Variants in NKAIN3 observed in about 807,000 individuals in gnomAD.
The protein encoded by NKAIN3 is sodium/potassium-transporting ATPase subunit beta-1-interacting protein 3.
Under a neutral mutation model 30.2 loss-of-function variants are expected in NKAIN3, and 25 were observed. The observed-to-expected ratio is 0.83, with a 90% CI of 0.60 to 1.16. NKAIN3 has a LOEUF of 1.16. Among genes scored for constraint, NKAIN3 ranks in the 50% most tolerant of loss-of-function variants. NKAIN3 has a pLI of 0.00. For synonymous variants in NKAIN3, 91 were observed against 89.6 expected (o/e 1.02, Z -0.09); for missense variants, 225 against 254.1 (o/e 0.89, Z 0.78).
intron 1 of NKAIN3, among the ~76,000 whole-genome samples, chr8:62,418,331 A>T (rs1804518662): frequency 6.6e-6 from 1 of 152,202 alleles, no homozygotes; most frequent in Non-Finnish European, 1.5e-5. Context: ...GTCCACCATT[A>T]TATCTAGCTC....
At chr8:62,623,631 C>T (rs564650832) in intron 3 of NKAIN3, among the ~76,000 whole-genome samples, 9 of 152,020 alleles carry the variant, frequency 5.9e-5, no homozygotes, top group African/African-American at 1.7e-4. Context: ...AATGATTTTC[C>T]TTCTTTCTAA....
rs970799072 is a variant in NKAIN3 at position 62,976,684 on chromosome 8, T to G, written c.*11277T>G. Among the ~76,000 whole-genome samples the G allele has an allele frequency of 1.1e-4, 17 of 152,212 alleles. No homozygotes were observed. The highest frequency in any genetic ancestry group is 4.1e-4 in the African/African-American group (17 of 41,462). On this transcript the variant is annotated 3_prime_UTR_variant, in exon 7 of 7. Transcript: ENST00000623646. Reference sequence around the variant, plus strand: ...ATTGGGGCATTTAGCCCATTTACATTTAAGGTTAATATTGTTATGTGTGAA... The same window carrying G: ...ATTGGGGCATTTAGCCCATTTACATGTAAGGTTAATATTGTTATGTGTGAA...
chr8:62,858,401 C>A (rs28776215), intron 4 of NKAIN3, among the ~76,000 whole-genome samples: 2,374 of 152,228 alleles, frequency 0.016, 57 homozygotes, highest in African/African-American at 0.054. Context: ...TGTTGGGGAT[C>A]TCTTCAGCCT....
At chr8:62,326,213 A>G (rs141825446) in intron 1 of NKAIN3, among the ~76,000 whole-genome samples, 1 of 152,046 alleles carries the variant, frequency 6.6e-6, no homozygotes, top group African/African-American at 2.4e-5. Context: ...GAAAGACACA[A>G]ATATCCAAGA....
chr8:62,695,428 C>A (rs1814124686), intron 3 of NKAIN3, among the ~76,000 whole-genome samples: 1 of 151,998 alleles, frequency 6.6e-6, no homozygotes, highest in Non-Finnish European at 1.5e-5. Flanking sequence ...TTGAGATAAT[C>A]CTGGCTGGTG....
At chr8:62,752,496 T>A (rs1295189749) in intron 4 of NKAIN3, among the ~76,000 whole-genome samples, 1 of 152,200 alleles carries the variant, frequency 6.6e-6, no homozygotes, top group Admixed American at 6.5e-5. Flanking sequence ...AACTTTTACT[T>A]AATATGTATG....
intron 4 of NKAIN3, among the ~76,000 whole-genome samples, chr8:62,846,452 G>A (rs1163642736): frequency 6.6e-6 from 1 of 151,990 alleles, no homozygotes; most frequent in Non-Finnish European, 1.5e-5. Context: ...GCATCTATTA[G>A]CTATTCTTCC....
At chr8:62,595,745 C>T (rs2130127457) in intron 3 of NKAIN3, among the ~76,000 whole-genome samples, 1 of 152,026 alleles carries the variant, frequency 6.6e-6, no homozygotes, top group South Asian at 2.1e-4. Flanking sequence ...CTAACTGCTT[C>T]CTGTTGAATT....
At chr8:62,801,661 G>C (rs905602510) in intron 4 of NKAIN3, among the ~76,000 whole-genome samples, 5 of 152,180 alleles carry the variant, frequency 3.3e-5, no homozygotes, top group Non-Finnish European at 7.3e-5. Flanking sequence ...AAACCACAAA[G>C]ATGGGGAAAA....
chr8:62,664,062 G>A (rs1813025134), intron 3 of NKAIN3, among the ~76,000 whole-genome samples: 1 of 151,934 alleles, frequency 6.6e-6, no homozygotes, highest in African/African-American at 2.4e-5. Context: ...GTTACAATGA[G>A]TGAAACATGC....
chr8:62,941,800 A>C (rs1340058453), intron 5 of NKAIN3, among the ~76,000 whole-genome samples: 6 of 152,154 alleles, frequency 3.9e-5, no homozygotes, highest in Admixed American at 3.9e-4. Context: ...ACCCACAGCC[A>C]ACACTATACT....
At chr8:62,262,113 A>G (rs1812460942) in intron 1 of NKAIN3, among the ~76,000 whole-genome samples, 1 of 152,176 alleles carries the variant, frequency 6.6e-6, no homozygotes, top group Admixed American at 6.6e-5. Flanking sequence ...ATTTCTTTAC[A>G]TGAAATGTGA....
chr8:62,953,138 A>AACACAC (rs139161457), intron 5 of NKAIN3, among the ~76,000 whole-genome samples: 7 of 151,222 alleles, frequency 4.6e-5, no homozygotes, highest in Admixed American at 4.6e-4. Flanking sequence ...TTTACACACA[A>AACACAC]ACACACACAC....
intron 4 of NKAIN3, among the ~76,000 whole-genome samples, chr8:62,908,574 T>C (rs1821847294): frequency 6.6e-6 from 1 of 152,162 alleles, no homozygotes; most frequent in Admixed American, 6.5e-5. Context: ...TGTGGGTTTT[T>C]CCCATGCTGT....
intron 3 of NKAIN3, among the ~76,000 whole-genome samples, chr8:62,708,991 T>A (rs2882925): frequency 6.6e-6 from 1 of 151,850 alleles, no homozygotes; most frequent in Non-Finnish European, 1.5e-5. Flanking sequence ...GTTTGATTTT[T>A]ATTTTTAATT....
chr8:62,821,448 G>A (rs1818845525), intron 4 of NKAIN3, among the ~76,000 whole-genome samples: 1 of 152,026 alleles, frequency 6.6e-6, no homozygotes, highest in Non-Finnish European at 1.5e-5. Flanking sequence ...TTTCTTTTCA[G>A]AAGAAGGAGA....
chr8:62,812,026 A>G (rs1316143403), intron 4 of NKAIN3, among the ~76,000 whole-genome samples: 1 of 151,982 alleles, frequency 6.6e-6, no homozygotes, highest in African/African-American at 2.4e-5. Context: ...TTTGAATAAG[A>G]AAATTTAGGT....
intron 5 of NKAIN3, among the ~76,000 whole-genome samples, chr8:62,932,887 G>A (rs1199391107): frequency 4.0e-5 from 6 of 151,820 alleles, no homozygotes; most frequent in Non-Finnish European, 7.4e-5. Context: ...ACAAGCACCC[G>A]GCTGGAGAAT....
intron 1 of NKAIN3, among the ~76,000 whole-genome samples, chr8:62,459,931 G>T (rs1181618522): frequency 6.6e-6 from 1 of 152,184 alleles, no homozygotes; most frequent in Non-Finnish European, 1.5e-5. Flanking sequence ...GTCATTGAAG[G>T]ATTGTGAACA....
Sources: gnomAD v4.1 joint callset for allele counts (sites outside exome capture counted in the v4.1 genomes callset) on GRCh38, gnomAD v4.1.1 for gene constraint, MANE v1.5 for transcripts, NCBI Gene and HGNC (gene_info 2026-07-23, HGNC 2026-07-21) for gene names.